Variants in PHKB observed in about 807,000 individuals in gnomAD.
PHKB encodes phosphorylase kinase regulatory subunit beta.
In PHKB, 122 loss-of-function variants were observed where a neutral mutation model predicts 152.1. That is an observed-to-expected ratio of 0.80 (90% CI 0.69 to 0.93). The LOEUF (loss-of-function observed/expected upper bound fraction) is 0.93, where lower values mean the gene tolerates loss of function less well. Ranked by LOEUF, PHKB falls within the 40% of genes least tolerant of loss-of-function variation. The pLI is 0.00. For synonymous variants in PHKB, 436 were observed against 464.9 expected (o/e 0.94, Z 0.80); for missense variants, 1,304 against 1,328.4 (o/e 0.98, Z 0.29).
intron 14 of PHKB, among the ~76,000 whole-genome samples, chr16:47,613,501 A>C (rs1200518640): frequency 6.6e-6 from 1 of 152,168 alleles, no homozygotes; most frequent in Non-Finnish European, 1.5e-5. Flanking sequence ...ACCATAAACC[A>C]CATTGTTAGT....
At chr16:47,541,851 A>AT (rs1309729498) in intron 6 of PHKB, among the ~76,000 whole-genome samples, 1 of 151,548 alleles carries the variant, frequency 6.6e-6, no homozygotes, top group Non-Finnish European at 1.5e-5. Flanking sequence ...GGGTTGTTTA[A>AT]TTTTTTTCTT....
At chr16:47,492,658 C>T (rs754937360) in intron 1 of PHKB, among the ~76,000 whole-genome samples, 1 of 152,266 alleles carries the variant, frequency 6.6e-6, no homozygotes, top group Non-Finnish European at 1.5e-5. Context: ...GGAGCTGCTG[C>T]TCGCCCTTCC....
intron 6 of PHKB, among the ~76,000 whole-genome samples, chr16:47,545,606 G>T (rs959102638): frequency 1.3e-5 from 2 of 152,136 alleles, no homozygotes; most frequent in African/African-American, 4.8e-5. Context: ...TCTTTGTGGT[G>T]TTCTCTGTAT....
chr16:47,607,294 A>G (rs556546625), intron 13 of PHKB, among the ~76,000 whole-genome samples: 1 of 152,088 alleles, frequency 6.6e-6, no homozygotes, highest in Non-Finnish European at 1.5e-5. Context: ...CCTGCCAAAA[A>G]ACCTCATGCC....
chr16:47,546,686 T>C (rs2151671911), intron 6 of PHKB, among the ~76,000 whole-genome samples: 1 of 152,214 alleles, frequency 6.6e-6, no homozygotes, highest in Non-Finnish European at 1.5e-5. Flanking sequence ...TCAGCTGCCT[T>C]TTTTTCACCT....
chr16:47,556,743 G>A (rs1348696586), intron 7 of PHKB, among the ~76,000 whole-genome samples: 2 of 152,114 alleles, frequency 1.3e-5, no homozygotes, highest in Non-Finnish European at 2.9e-5. Context: ...TTTTGGTTGT[G>A]TCTCTGCCAG....
chr16:47,558,098 A>G (rs1325141256), intron 7 of PHKB, among the ~76,000 whole-genome samples: 3 of 151,270 alleles, frequency 2.0e-5, no homozygotes, highest in Non-Finnish European at 4.4e-5. Flanking sequence ...CATGGATGAA[A>G]TTGGAAATCA....
intron 15 of PHKB, 146 bp downstream of exon 15, chr16:47,641,236 A>G: frequency 1.4e-6 from 1 of 717,582 alleles, no homozygotes. Flanking sequence ...CATTAATATC[A>G]CTTTAAATGA....
intron 1 of PHKB, among the ~76,000 whole-genome samples, chr16:47,483,709 A>G (rs1325369618): frequency 6.6e-6 from 1 of 152,220 alleles, no homozygotes; most frequent in Admixed American, 6.5e-5. Flanking sequence ...TCAATAGAAG[A>G]GAACAATGAA....
In PHKB at chr16:47,698,601, CTT is replaced by C. The variant is rs5816579; in HGVS notation, c.3144+33_3144+34del. ...AATTGAAAAACAAGTAAGTACACAGCTTTTTTTTTTTTTTTTTTTTTGAGAAT... is the reference window on the plus strand; with the variant it reads ...AATTGAAAAACAAGTAAGTACACAGCTTTTTTTTTTTTTTTTTTTGAGAAT... On this transcript the variant is annotated intron_variant, in intron 30 of 30. Coordinates refer to ENST00000323584, the MANE Select transcript of PHKB (RefSeq NM_000293.3). 2,464 of 728,140 alleles carry C rather than the reference CTT, an allele frequency of 3.4e-3. No homozygotes were observed. The highest frequency in any genetic ancestry group is 6.9e-3 in the Middle Eastern group (13 of 1,888). The allele number at this position is 728,140 out of a possible 1,614,324, so 45.1% of individuals were successfully genotyped here. A position where few individuals can be genotyped will look rare whatever the true frequency, so the allele number is the denominator to read the frequency against.
rs948117503 is a variant in PHKB at position 47,541,741 on chromosome 16, C to T, written c.595-5692C>T. ...GTGGTTTTGATTTGCATTTCTCTGA[C>T]GACCAGTGATGATGAGCATTTTTTT... is the stretch of plus-strand genomic sequence containing the variant. On this transcript the variant is annotated intron_variant, in intron 6 of 30. Coordinates refer to ENST00000323584, the MANE Select transcript of PHKB (RefSeq NM_000293.3). 2.4e-4 allele frequency among the ~76,000 whole-genome samples: 37 copies of T among 152,212 alleles called. No homozygotes were observed. In the Middle Eastern group the frequency reaches 0.01, roughly 42 times the overall value.
intron 7 of PHKB, among the ~76,000 whole-genome samples, chr16:47,571,311 G>A (rs529464862): frequency 8.0e-4 from 122 of 152,290 alleles, no homozygotes; most frequent in Non-Finnish European, 1.5e-3. Flanking sequence ...GAAGCAGGTG[G>A]TGGGTATATG....
intron 7 of PHKB, among the ~76,000 whole-genome samples, chr16:47,573,894 G>GC (rs1215994659): frequency 6.6e-5 from 10 of 151,982 alleles, no homozygotes; most frequent in Admixed American, 6.5e-4. Context: ...CTCCATCCCT[G>GC]CTAGGGTGTG....
intron 25 of PHKB, among the ~76,000 whole-genome samples, chr16:47,666,395 A>G (rs929147633): frequency 6.6e-5 from 10 of 152,176 alleles, no homozygotes; most frequent in Admixed American, 2.6e-4. Flanking sequence ...TCTGCTCCAC[A>G]TGAGATCTCC....
intron 6 of PHKB, among the ~76,000 whole-genome samples, chr16:47,516,058 T>C (rs1300214350): frequency 6.6e-6 from 1 of 151,668 alleles, no homozygotes; most frequent in African/African-American, 2.4e-5. Flanking sequence ...CTCCAAAGTA[T>C]CTGGGATTAT....
intron 1 of PHKB, among the ~76,000 whole-genome samples, chr16:47,468,982 A>G (rs1047736296): frequency 1.3e-5 from 2 of 152,076 alleles, no homozygotes; most frequent in African/African-American, 4.8e-5. Flanking sequence ...CTGCCCACCC[A>G]ATCTAAGTAG....
At chr16:47,482,486 A>C (rs903007592) in intron 1 of PHKB, among the ~76,000 whole-genome samples, 1 of 152,170 alleles carries the variant, frequency 6.6e-6, no homozygotes, top group East Asian at 1.9e-4. Flanking sequence ...TTTCTATACA[A>C]TTTCTAATTG....
At chr16:47,552,241 T>C (rs1971284687) in intron 7 of PHKB, among the ~76,000 whole-genome samples, 1 of 152,212 alleles carries the variant, frequency 6.6e-6, no homozygotes, top group Admixed American at 6.5e-5. Context: ...TATTTCAGAA[T>C]TGGATCCTGT....
chr16:47,664,223 A>C (rs548369050), intron 24 of PHKB: 1 of 155,236 alleles, frequency 6.4e-6, no homozygotes, highest in African/African-American at 2.4e-5. Flanking sequence ...CTGTTCCCAG[A>C]GATTGAAAAA....
Sources: allele counts gnomAD v4.1 joint callset (sites outside exome capture counted in the v4.1 genomes callset), GRCh38; gene constraint gnomAD v4.1.1; transcripts MANE v1.5; gene names NCBI Gene and HGNC (gene_info 2026-07-23, HGNC 2026-07-21).